IFIH1: variants seen among roughly 807,000 people sequenced by gnomAD.
IFIH1 encodes the protein interferon-induced helicase C domain-containing protein 1.
A neutral mutation model predicts 107.4 loss-of-function variants in IFIH1; 125 were observed. That is an observed-to-expected ratio of 1.16 (90% CI 1.01 to 1.35). The LOEUF (loss-of-function observed/expected upper bound fraction) is 1.35. IFIH1 is among the 40% of genes most tolerant of loss of function. The pLI, the probability that IFIH1 is intolerant of heterozygous loss-of-function variation, is 0.00. For synonymous variants in IFIH1, 458 were observed against 413.2 expected, an observed-to-expected ratio of 1.11 and a Z score of -1.31; for missense variants, 1,333 against 1,213.7, an observed-to-expected ratio of 1.10 and a Z score of -1.46.
At chr2:162,309,320 G>C (rs543618640) in intron 2 of IFIH1, among the ~76,000 whole-genome samples, 4 of 152,278 alleles carry the variant, frequency 2.6e-5, no homozygotes, top group African/African-American at 9.6e-5. Flanking sequence ...GTCATCCTGA[G>C]GGCTCACTAA....
At chr2:162,291,285 A>C (rs1459428008) in intron 4 of IFIH1, among the ~76,000 whole-genome samples, 1 of 151,822 alleles carries the variant, frequency 6.6e-6, no homozygotes, top group Non-Finnish European at 1.5e-5. Flanking sequence ...TGGAGAGAAA[A>C]GGTCTGTCAC....
chr2:162,314,539 G>A (rs1467344785), intron 1 of IFIH1, among the ~76,000 whole-genome samples: 2 of 148,876 alleles, frequency 1.3e-5, no homozygotes, highest in Admixed American at 6.7e-5. Context: ...CCAGGGTGGA[G>A]TGCAGTGGCG....
At chr2:162,311,809 A>C (rs1367626054) in intron 1 of IFIH1, among the ~76,000 whole-genome samples, 4 of 152,076 alleles carry the variant, frequency 2.6e-5, no homozygotes, top group Non-Finnish European at 5.9e-5. Context: ...ATCTCCCTAG[A>C]CCTTGGTTAC....
At chr2:162,295,499 T>A (rs1683071107) in intron 3 of IFIH1, among the ~76,000 whole-genome samples, 1 of 151,962 alleles carries the variant, frequency 6.6e-6, no homozygotes, top group Non-Finnish European at 1.5e-5. Flanking sequence ...CCAATGCCAA[T>A]CAAATATGTA....
chr2:162,287,076 A>C (rs989882862), intron 5 of IFIH1, among the ~76,000 whole-genome samples: 2 of 151,940 alleles, frequency 1.3e-5, no homozygotes, highest in African/African-American at 4.8e-5. Context: ...ATGTGTCACC[A>C]TTACCAGCAA....
intron 3 of IFIH1, among the ~76,000 whole-genome samples, chr2:162,300,812 A>T (rs73971816): frequency 0.037 from 5,682 of 152,220 alleles, 345 homozygotes; most frequent in African/African-American, 0.13. Flanking sequence ...TTCAAATGCT[A>T]TGGTTTTATT....
intron 4 of IFIH1, among the ~76,000 whole-genome samples, chr2:162,289,661 T>A (rs571030533): frequency 6.6e-6 from 1 of 152,092 alleles, no homozygotes; most frequent in African/African-American, 2.4e-5. Context: ...GTTGTGATAG[T>A]ACTATCTGAA....
intron 13 of IFIH1, among the ~76,000 whole-genome samples, 159 bp from the exon 14 acceptor site, chr2:162,268,436 A>G (rs1559809191): frequency 6.6e-6 from 1 of 152,124 alleles, no homozygotes; most frequent in Non-Finnish European, 1.5e-5. Context: ...CCCCCAAAGA[A>G]TTTGGTATAT....
At chr2:162,287,661 G>A (rs982995623) in intron 5 of IFIH1, among the ~76,000 whole-genome samples, 4 of 151,870 alleles carry the variant, frequency 2.6e-5, no homozygotes, top group African/African-American at 7.2e-5. Context: ...CACATTATAT[G>A]TATTCTGGAG....
intron 13 of IFIH1, 69 bp downstream of exon 13, chr2:162,272,157 G>T: frequency 7.9e-7 from 1 of 1,258,934 alleles, no homozygotes; most frequent in Non-Finnish European, 1.1e-6. Flanking sequence ...ATGAGTCACA[G>T]AGATATCAAT....
At chr2:162,313,035 T>C (rs942848078) in intron 1 of IFIH1, among the ~76,000 whole-genome samples, 1 of 152,214 alleles carries the variant, frequency 6.6e-6, no homozygotes, top group Non-Finnish European at 1.5e-5. Context: ...TTTGCCGTTA[T>C]TGAGTCCAAG....
Position 162,318,079 on chromosome 2 carries a change from G to C in IFIH1, c.229C>G (p.Arg77Gly). Residue 77 changes from arginine (R) to glycine (G), a missense_variant, in exon 1 of 16, where the codon CGG becomes GGG. Physicochemically the swap from Arg to Gly is moderately radical, Grantham distance 125. Coordinates refer to ENST00000649979, the MANE Select transcript of IFIH1 (RefSeq NM_022168.4). ...CTCCGGAGGGCCTCCACGAATTCCC[G>C]AGTCCAACCAAGGTGCCAGACTCCC... The part of the protein sequence containing the change: ...EKGVWHLGWT[R>G]EFVEALRRTG... 6.2e-7 allele frequency: 1 copy of C among 1,614,152 alleles called. No homozygotes were observed. Among genetic ancestry groups the C allele is most frequent in the Non-Finnish European group, 8.5e-7 (1 of 1,180,022 alleles).
In IFIH1 at chr2:162,277,395, T is replaced by C. The variant is rs375843812; in HGVS notation, c.2044+20A>G. On this transcript the variant is annotated intron_variant, in intron 10 of 15. Coordinates refer to ENST00000649979, the MANE Select transcript of IFIH1 (RefSeq NM_022168.4). ...AAAAGGTAAATGAATGACACCAGTA[T>C]ATGTTACTTTGAATCTTACCAAAAA... 3 of 1,551,858 alleles carry C rather than the reference T, an allele frequency of 1.9e-6. No individual in the cohort carries two copies. In the African/African-American group the frequency reaches 4.1e-5, roughly 21 times the overall value.
chr2:162,304,797 C>A (rs1683251902), intron 3 of IFIH1, among the ~76,000 whole-genome samples: 1 of 152,104 alleles, frequency 6.6e-6, no homozygotes, highest in Non-Finnish European at 1.5e-5. Flanking sequence ...ATTATTCATT[C>A]TCGTAGAAGA....
At chr2:162,275,836 C>T (rs78456138) in intron 11 of IFIH1, among the ~76,000 whole-genome samples, 2,041 of 152,172 alleles carry the variant, frequency 0.013, 19 homozygotes, top group Non-Finnish European at 0.022. Flanking sequence ...ACTATGCCCA[C>T]AGTAAGCAAC....
At chr2:162,311,559 G>A (rs1211327224) in intron 1 of IFIH1, among the ~76,000 whole-genome samples, 1 of 151,102 alleles carries the variant, frequency 6.6e-6, no homozygotes, top group East Asian at 1.9e-4. Flanking sequence ...TTGGAAATAT[G>A]GGGCAGAATT....
At chr2:162,267,646 T>C (rs1690952646) in intron 14 of IFIH1, 77 bp from the exon 15 acceptor site, 11 of 1,062,364 alleles carry the variant, frequency 1.0e-5, no homozygotes, top group Admixed American at 1.8e-5. Flanking sequence ...TTATTGGACC[T>C]GGAGCTCATC....
intron 2 of IFIH1, 146 bp downstream of exon 2, chr2:162,310,619 T>C: frequency 1.6e-6 from 1 of 635,816 alleles, no homozygotes; most frequent in Non-Finnish European, 2.7e-6. Flanking sequence ...GTTAAGGTGA[T>C]AAAATAGATG....
intron 1 of IFIH1, among the ~76,000 whole-genome samples, chr2:162,314,956 A>C (rs892715874): frequency 6.6e-6 from 1 of 152,218 alleles, no homozygotes; most frequent in African/African-American, 2.4e-5. Flanking sequence ...TGAATGAATA[A>C]GTTTTTGGGT....
Sources: allele counts gnomAD v4.1 joint callset (sites outside exome capture counted in the v4.1 genomes callset), GRCh38; gene constraint gnomAD v4.1.1; transcripts MANE v1.5; gene names NCBI Gene and HGNC (gene_info 2026-07-23, HGNC 2026-07-21).